Variants in DOCK10 observed in about 807,000 individuals in gnomAD.
DOCK10 encodes dedicator of cytokinesis protein 10.
DOCK10 carries 145 observed loss-of-function variants against 280.1 expected under a neutral mutation model. The observed-to-expected ratio is 0.52, with a 90% CI of 0.45 to 0.59. DOCK10 has a LOEUF of 0.59. DOCK10 is among the 20% of genes least tolerant of loss of function. The pLI, the probability that DOCK10 is intolerant of heterozygous loss-of-function variation, is 0.00. For synonymous variants in DOCK10, 915 were observed against 942.2 expected, an observed-to-expected ratio of 0.97 and a Z score of 0.53; for missense variants, 2,368 against 2,651.7, an observed-to-expected ratio of 0.89 and a Z score of 2.35.
chr2:225,015,517 A>G (rs990726793), intron 1 of DOCK10, among the ~76,000 whole-genome samples: 1 of 152,108 alleles, frequency 6.6e-6, no homozygotes, highest in Non-Finnish European at 1.5e-5. Flanking sequence ...CTGGAGTTGG[A>G]GTCTGTGCCT....
At chr2:224,849,239 G>A (rs1455099658) in intron 19 of DOCK10, among the ~76,000 whole-genome samples, 2 of 152,212 alleles carry the variant, frequency 1.3e-5, no homozygotes, top group Non-Finnish European at 2.9e-5. Flanking sequence ...CTCCCAAAGT[G>A]CTGGGATTAC....
chr2:224,993,332 C>T (rs1391232090), intron 1 of DOCK10, among the ~76,000 whole-genome samples: 1 of 151,552 alleles, frequency 6.6e-6, no homozygotes, highest in African/African-American at 2.4e-5. Context: ...TGTACTGTAT[C>T]AGATTCTTAT....
At chr2:225,003,180 G>C (rs1198765741) in intron 1 of DOCK10, among the ~76,000 whole-genome samples, 1 of 152,102 alleles carries the variant, frequency 6.6e-6, no homozygotes. Flanking sequence ...CCGAGTAGCT[G>C]GGACTATGTG....
chr2:224,931,021 C>T (rs1559795077), intron 2 of DOCK10, among the ~76,000 whole-genome samples: 1 of 152,148 alleles, frequency 6.6e-6, no homozygotes, highest in Non-Finnish European at 1.5e-5. Context: ...TGTGCATTGT[C>T]CTAAAGGGGA....
At chr2:224,782,671 C>A (rs1356265470) in intron 50 of DOCK10, among the ~76,000 whole-genome samples, 1 of 152,102 alleles carries the variant, frequency 6.6e-6, no homozygotes, top group East Asian at 1.9e-4. Flanking sequence ...GTGTCTGGCT[C>A]ATTACAGACA....
In DOCK10 at chr2:224,856,959, C is replaced by T; in HGVS notation, c.1709G>A (p.Gly570Glu). Reference sequence around the variant, plus strand: ...AAATCTTGAGTCTCTGTCCACATTTCCCTGGTTGTCCTTAAATACTGATCT... The same window carrying T: ...AAATCTTGAGTCTCTGTCCACATTTTCCTGGTTGTCCTTAAATACTGATCT... ...AVRSVFKDNQ[G>E]NVDRDSRFSP... The change falls in exon 15 of 56, where the codon GGA becomes GAA. Residue 570 changes from glycine (G) to glutamate (E), a missense_variant. Gly to Glu is a moderately conservative substitution (Grantham distance 98). Around this residue, in one of 2 missense-constraint regions of DOCK10, gnomAD observed 1,209 missense variants for 1,250.9 expected, o/e 0.97. Coordinates refer to ENST00000258390, the MANE Select transcript of DOCK10 (RefSeq NM_014689.3). 6.2e-7 allele frequency: 1 copy of T among 1,611,324 alleles called. No individual in the cohort carries two copies. The highest frequency in any genetic ancestry group is 1.1e-5 in the South Asian group (1 of 90,648).
At chr2:224,814,254 T>G in intron 31 of DOCK10, 66 bp downstream of exon 31, 1 of 970,956 alleles carries the variant, frequency 1.0e-6, no homozygotes, top group East Asian at 3.1e-5. Context: ...AACTGGAAAT[T>G]TATAGTTGTC....
chr2:224,859,962 T>C (rs1211776744), intron 14 of DOCK10, among the ~76,000 whole-genome samples: 2 of 152,212 alleles, frequency 1.3e-5, no homozygotes, highest in East Asian at 3.8e-4. Flanking sequence ...TGGTCTGACA[T>C]GGTATCTTTA....
intron 1 of DOCK10, among the ~76,000 whole-genome samples, chr2:224,984,359 G>A (rs1327176741): frequency 6.6e-6 from 1 of 152,238 alleles, no homozygotes; most frequent in East Asian, 1.9e-4. Context: ...CCTCTGCGGT[G>A]GCTTTTGGAA....
At chr2:224,795,543 T>C (rs1179221199) in intron 44 of DOCK10, among the ~76,000 whole-genome samples, 2 of 152,190 alleles carry the variant, frequency 1.3e-5, no homozygotes, top group Admixed American at 6.5e-5. Context: ...GGGACTTTAA[T>C]TGGAACTATC....
At chr2:225,033,373 G>A (rs1690136701) in intron 1 of DOCK10, among the ~76,000 whole-genome samples, 1 of 151,938 alleles carries the variant, frequency 6.6e-6, no homozygotes. Flanking sequence ...AGTAGAGATG[G>A]GGTTTCGCCA....
At chr2:224,853,150 T>C (rs1696871404) in intron 16 of DOCK10, 28 bp from the exon 17 acceptor site, 2 of 1,518,970 alleles carry the variant, frequency 1.3e-6, no homozygotes. Flanking sequence ...TAAGAGTTTG[T>C]CATTTAATAT....
chr2:224,844,916 A>G, intron 21 of DOCK10, 77 bp from the exon 22 acceptor site: 1 of 1,087,662 alleles, frequency 9.2e-7, no homozygotes, highest in African/African-American at 1.6e-5. Flanking sequence ...AGTTTATGTT[A>G]ATGTGCTGTT....
rs1692335504 is a variant in DOCK10 at position 224,793,342 on chromosome 2, A to G, written c.5212+58T>C. On this transcript the variant is annotated intron_variant, in intron 46 of 55. Coordinates refer to ENST00000258390, the MANE Select transcript of DOCK10 (RefSeq NM_014689.3). ...AATGTAAAATTAATACATTATTTCT[A>G]TTAGGCTTCAATGTGTTGATATCTA... The G allele has an allele frequency of 3.0e-6, 4 of 1,338,728 alleles. No homozygotes were observed. The South Asian group carries it at 3.8e-5, about 13-fold the overall frequency. The allele number at this position is 1,338,728 out of a possible 1,614,324, so 82.9% of individuals were successfully genotyped here. A position where few individuals can be genotyped will look rare whatever the true frequency, so the allele number is the denominator to read the frequency against.
chr2:224,800,253 A>C lies in DOCK10; in HGVS notation c.4404T>G (p.Asn1468Lys), dbSNP rs749621840. The C allele has an allele frequency of 6.2e-7, 1 of 1,607,100 alleles. No individual in the cohort carries two copies. Among genetic ancestry groups the C allele is most frequent in the African/African-American group, 1.3e-5 (1 of 74,938 alleles). ...MLDNTMTSNS[N>K]EIDIVHHVDT... ...CTACATGATGCACGATGTCTATTTC[A>C]TTGGAGTTGCCTATAAAATACAAAA... is the stretch of plus-strand genomic sequence containing the variant. Residue 1468 changes from asparagine to lysine, a missense_variant, in exon 41 of 56, where the codon AAT (asparagine) becomes AAG (lysine). Transcript: ENST00000258390.
At position 224,952,595 on chromosome 2, in the gene DOCK10, T is replaced by TA. The variant is rs1235394630; in HGVS notation, c.124-20928_124-20927insT. ...TTTTTAAATGCTCAATTATGTTATT[T>TA]TTTTTTTTTTTTTTTGAGACGGAGT... On this transcript the variant is annotated intron_variant, in intron 1 of 55. Coordinates refer to ENST00000258390, the MANE Select transcript of DOCK10 (RefSeq NM_014689.3). Among the ~76,000 whole-genome samples, 10 of 110,968 alleles carry TA rather than the reference T, an allele frequency of 9.0e-5. No individual in the cohort carries two copies. In the South Asian group the frequency reaches 1.0e-3, roughly 11 times the overall value. 72.8% of individuals were successfully genotyped at this position (110,968 alleles called of 152,430 possible). A position where few individuals can be genotyped will look rare whatever the true frequency, so the allele number is the denominator to read the frequency against.
intron 14 of DOCK10, among the ~76,000 whole-genome samples, chr2:224,858,347 A>G (rs960806465): frequency 1.3e-5 from 2 of 152,072 alleles, no homozygotes; most frequent in Non-Finnish European, 2.9e-5. Flanking sequence ...GCCATACAAC[A>G]TGTGGTTGCT....
rs141251490 is a variant in DOCK10 at position 224,902,246 on chromosome 2, T to C, written c.334-5869A>G. On this transcript the variant is annotated intron_variant, in intron 3 of 55. Transcript: ENST00000258390. ...GGTTGATTATTGAATTCTGGCTACATAGTAATAAGCAAGTAACATTTTTTT... is the reference window on the plus strand; with the variant it reads ...GGTTGATTATTGAATTCTGGCTACACAGTAATAAGCAAGTAACATTTTTTT... Among the ~76,000 whole-genome samples the C allele has an allele frequency of 3.3e-4, 51 of 152,354 alleles. 2 individuals carry two copies. The highest frequency in any genetic ancestry group is 1.1e-3 in the African/African-American group (46 of 41,584).
chr2:225,000,190 T>TCA (rs376882215), intron 1 of DOCK10, among the ~76,000 whole-genome samples: 8,236 of 144,200 alleles, frequency 0.057, 298 homozygotes, highest in Non-Finnish European at 0.092. Flanking sequence ...ATCACTCAAG[T>TCA]CACACACACA....
Sources: gnomAD v4.1 joint callset for allele counts (sites outside exome capture counted in the v4.1 genomes callset) on GRCh38, gnomAD v4.1.1 for gene constraint, gnomAD v4.1.1 regional missense constraint, MANE v1.5 for transcripts, NCBI Gene and HGNC (gene_info 2026-07-23, HGNC 2026-07-21) for gene names.